The following SYNE2 variants were observed in gnomAD, a reference collection of about 807,000 sequenced individuals.
The protein encoded by SYNE2 is nesprin-2.
In SYNE2, 431 loss-of-function variants were observed where a neutral mutation model predicts 856.3. That is an observed-to-expected ratio of 0.50 (90% CI 0.47 to 0.55). The LOEUF (loss-of-function observed/expected upper bound fraction) is 0.55. Ranked by LOEUF, SYNE2 falls within the 20% of genes least tolerant of loss-of-function variation. SYNE2 has a pLI of 0.00. For synonymous variants in SYNE2, 2,923 were observed against 2,872.3 expected, an observed-to-expected ratio of 1.02 and a Z score of -0.56; for missense variants, 8,129 against 8,023.2, an observed-to-expected ratio of 1.01 and a Z score of -0.50.
intron 77 of SYNE2, among the ~76,000 whole-genome samples, chr14:64,133,455 A>C (rs577281832): frequency 6.6e-6 from 1 of 152,098 alleles, no homozygotes; most frequent in South Asian, 2.1e-4. Flanking sequence ...GGAGTCAATA[A>C]CTCAGCTCTG....
chr14:64,158,638 A>C lies in SYNE2; in HGVS notation c.15806A>C (p.Lys5269Thr). ...SSVLTQVNQL[K>T]TSMQSVLQEW... Reference sequence around the variant, plus strand: ...CTTTTTGTCTAGGTCAATCAGCTCAAAACCTCCATGCAGTCAGTTTTACAG... The same window carrying C: ...CTTTTTGTCTAGGTCAATCAGCTCACAACCTCCATGCAGTCAGTTTTACAG... Residue 5269 changes from lysine (K) to threonine (T), a missense_variant, in exon 86 of 116, where the codon AAA becomes ACA. Physicochemically the swap from Lys to Thr is moderately conservative, Grantham distance 78. Coordinates refer to ENST00000555002, the MANE Select transcript of SYNE2 (RefSeq NM_182914.3). 6 of 1,613,978 alleles carry C rather than the reference A, an allele frequency of 3.7e-6. No individual in the cohort carries two copies. The highest frequency in any genetic ancestry group is 5.1e-6 in the Non-Finnish European group (6 of 1,179,900).
At position 64,186,498 on chromosome 14, in the gene SYNE2, G is replaced by A; in HGVS notation, c.17631G>A (p.Arg5877=). ...ELQTMKADLT[R]HVLVEDVMVL... ...AAACTATGAAGGCGGACTTAACCCG[G>A]CACGTTCTCGTGGAAGATGTGATGG... Residue 5877 remains arginine (R), a synonymous_variant, in exon 97 of 116, where the codon CGG becomes CGA. Transcript: ENST00000555002. The A allele has an allele frequency of 6.2e-7, 1 of 1,614,228 alleles. No individual in the cohort carries two copies. Among genetic ancestry groups the A allele is most frequent in the Non-Finnish European group, 8.5e-7 (1 of 1,180,040 alleles).
At position 63,808,300 on chromosome 14, in the gene SYNE2, C is replaced by A. The variant is rs1241311814; in HGVS notation, c.-304-44201C>A. Among the ~76,000 whole-genome samples the A allele has an allele frequency of 2.6e-5, 4 of 151,856 alleles. No individual in the cohort carries two copies. In the East Asian group the frequency reaches 5.9e-4, roughly 22 times the overall value. ...GGTCAGGAGTTCGAGATCAGCCAGACCAACATGGTGAAACCCTGTCTCTAC... is the reference window on the plus strand; with the variant it reads ...GGTCAGGAGTTCGAGATCAGCCAGAACAACATGGTGAAACCCTGTCTCTAC... On this transcript the variant is annotated intron_variant, in intron 1 of 23. Transcript: ENST00000674003.
intron 85 of SYNE2, among the ~76,000 whole-genome samples, chr14:64,155,028 C>T (rs1490892333): frequency 2.0e-5 from 3 of 152,106 alleles, no homozygotes; most frequent in African/African-American, 4.8e-5. Context: ...AAACTGCTGG[C>T]CGGGTTCCAT....
chr14:63,823,792 T>C (rs913347376), intron 1 of SYNE2, among the ~76,000 whole-genome samples: 3 of 152,008 alleles, frequency 2.0e-5, no homozygotes, highest in Non-Finnish European at 4.4e-5. Flanking sequence ...CTTGTCACCA[T>C]AGCCAGCTAA....
intron 42 of SYNE2, among the ~76,000 whole-genome samples, chr14:64,027,129 C>T (rs2096986884): frequency 6.6e-6 from 1 of 151,916 alleles, no homozygotes; most frequent in Non-Finnish European, 1.5e-5. Context: ...AAAGCATAAA[C>T]TAGTTAGTTG....
At chr14:64,188,813 G>A (rs762776051) in intron 98 of SYNE2, 105 bp downstream of exon 98, 45 of 1,245,856 alleles carry the variant, frequency 3.6e-5, no homozygotes, top group East Asian at 9.7e-5. Flanking sequence ...GTTTCCAGTA[G>A]CATTTTAGAA....
rs1301311859 is a variant in SYNE2, at chr14:63,845,228, C to CA, written c.-304-7269dup. ...GTCAGGAGTTCAAAACCAGCCTGGC[C>CA]AAAATGGTGAAACCTCGTCTCTACT... is the stretch of plus-strand genomic sequence containing the variant. On this transcript the variant is annotated intron_variant, in intron 1 of 23. Transcript: ENST00000674003. Among the ~76,000 whole-genome samples the CA allele has an allele frequency of 2.0e-5, 3 of 152,002 alleles. No individual in the cohort carries two copies. The South Asian group carries it at 6.3e-4, about 32-fold the overall frequency.
chr14:64,056,030 C>T lies in SYNE2; in HGVS notation c.9831C>T (p.Ala3277=). The T allele has an allele frequency of 1.9e-6, 3 of 1,614,032 alleles. No individual in the cohort carries two copies. The highest frequency in any genetic ancestry group is 2.5e-6 in the Non-Finnish European group (3 of 1,179,958). The change falls in exon 49 of 116, where the codon GCC becomes GCT. Residue 3277 remains alanine, a synonymous_variant. Transcript: ENST00000555002. ...TGGAGAGCATCACTTCCCTCGAAGC[C>T]ATCATTATACCCTACAGAGTAGATG... ...RAVESITSLE[A]IIIPYRVDVG...
chr14:63,761,930 C>CCG, exon 1 of SYNE2: 1 of 270,016 alleles, frequency 3.7e-6, no homozygotes, highest in Non-Finnish European at 7.7e-6. Flanking sequence ...GAGTAGCGAC[C>CCG]CGCGGGGAGC....
chr14:64,160,235 G>A (rs1032259939), intron 87 of SYNE2, among the ~76,000 whole-genome samples: 9 of 152,148 alleles, frequency 5.9e-5, no homozygotes, highest in African/African-American at 2.2e-4. Flanking sequence ...ACAATATCAG[G>A]GCTACCGTCA....
intron 99 of SYNE2, among the ~76,000 whole-genome samples, chr14:64,192,335 C>T (rs962376728): frequency 2.0e-5 from 3 of 151,966 alleles, no homozygotes; most frequent in African/African-American, 7.2e-5. Context: ...GGCATCAAAC[C>T]CATTCATGGA....
intron 1 of SYNE2, among the ~76,000 whole-genome samples, chr14:63,870,105 G>A (rs1347813660): frequency 6.6e-6 from 1 of 151,866 alleles, no homozygotes; most frequent in Non-Finnish European, 1.5e-5. Flanking sequence ...TGAGAATATA[G>A]TCTGAACACT....
intron 43 of SYNE2, among the ~76,000 whole-genome samples, chr14:64,028,537 G>C (rs901875405): frequency 1.3e-5 from 2 of 152,030 alleles, no homozygotes; most frequent in African/African-American, 4.8e-5. Flanking sequence ...TGACCTGCGC[G>C]AGCCACTGCA....
chr14:63,961,654 C>A, intron 9 of SYNE2, 29 bp downstream of exon 9: 1 of 1,506,108 alleles, frequency 6.6e-7, no homozygotes, highest in South Asian at 1.1e-5. Context: ...AAATCAAGCT[C>A]ATTTTAGTTG....
intron 27 of SYNE2, 38 bp downstream of exon 27, chr14:63,999,078 T>G: frequency 6.2e-7 from 1 of 1,600,782 alleles, no homozygotes; most frequent in Non-Finnish European, 8.6e-7. Flanking sequence ...ATTATCTTGT[T>G]TATTAGAAAA....
At chr14:64,161,159 C>T (rs1386877435) in intron 87 of SYNE2, among the ~76,000 whole-genome samples, 1 of 151,964 alleles carries the variant, frequency 6.6e-6, no homozygotes, top group African/African-American at 2.4e-5. Context: ...GCCTGGGTAG[C>T]ATGGTGAAAC....
chr14:63,823,425 C>T (rs766870129), intron 1 of SYNE2, among the ~76,000 whole-genome samples: 4 of 152,086 alleles, frequency 2.6e-5, no homozygotes, highest in Non-Finnish European at 5.9e-5. Context: ...GATTCACCCA[C>T]CTCAGCCTCC....
At chr14:64,113,653 A>G (rs2097830671) in intron 66 of SYNE2, 82 bp downstream of exon 66, 1 of 1,418,762 alleles carries the variant, frequency 7.0e-7, no homozygotes, top group Non-Finnish European at 9.7e-7. Context: ...TTAAAGCAAC[A>G]CTGTTTTTCT....
Sources: gnomAD v4.1 joint callset for allele counts (sites outside exome capture counted in the v4.1 genomes callset) on GRCh38, gnomAD v4.1.1 for gene constraint, MANE v1.5 for transcripts, NCBI Gene and HGNC (gene_info 2026-07-23, HGNC 2026-07-21) for gene names.